The following NUDC variants were observed in gnomAD, a reference collection of about 807,000 sequenced individuals.
NUDC encodes the protein nuclear migration protein nudC.
Under a neutral mutation model 45.0 loss-of-function variants are expected in NUDC, and 14 were observed. The observed-to-expected ratio is 0.31, with a 90% CI of 0.21 to 0.49. NUDC has a LOEUF of 0.49. Ranked by LOEUF, NUDC falls within the 20% of genes least tolerant of loss-of-function variation. NUDC has a pLI of 0.99. For missense variants in NUDC, 323 were observed against 426.2 expected, an observed-to-expected ratio of 0.76 and a Z score of 2.13; for synonymous variants, 153 against 156.7, an observed-to-expected ratio of 0.98 and a Z score of 0.17.
rs372581033 is a variant in NUDC, at chr1:26,913,526, G to A, written c.93+2291G>A. On this transcript the variant is annotated intron_variant, in intron 3 of 6. Coordinates refer to the NUDC transcript ENST00000435827. ...TGCACCGCAGCCAGGGAGGGCTGGG[G>A]TCTGTCTGGCAGTTGGCCACTGCCT... is the stretch of plus-strand genomic sequence containing the variant. 185 of 1,613,620 alleles carry A rather than the reference G, an allele frequency of 1.1e-4. No individual in the cohort carries two copies. The highest frequency in any genetic ancestry group is 3.3e-4 in the Middle Eastern group (2 of 6,056).
At chr1:26,942,491 C>T (rs540941031) in intron 4 of NUDC, among the ~76,000 whole-genome samples, 169 bp from the exon 5 acceptor site, 3 of 152,298 alleles carry the variant, frequency 2.0e-5, no homozygotes, top group Admixed American at 2.0e-4. Flanking sequence ...TTACCTGGTT[C>T]CCAGTGGACC....
chr1:26,922,863 A>G (rs1355188230), intron 1 of NUDC, among the ~76,000 whole-genome samples: 1 of 152,154 alleles, frequency 6.6e-6, no homozygotes, highest in African/African-American at 2.4e-5. Context: ...AGTGTTTCTC[A>G]TTTGCAAGTG....
At position 26,941,452 on chromosome 1, in the gene NUDC, T is replaced by C. The variant is rs2082275371; in HGVS notation, c.160-5T>C. On this transcript the variant is annotated splice_region_variant and splice_polypyrimidine_tract_variant and intron_variant, in intron 2 of 8. Coordinates refer to ENST00000321265, the MANE Select transcript of NUDC (RefSeq NM_006600.4). ...GATGCCTCATGGCCTTTCTTCCCTC[T>C]CCAGCTTATCACACAGACTTTCAGC... 6.2e-7 allele frequency: 1 copy of C among 1,613,200 alleles called. No homozygotes were observed. The highest frequency in any genetic ancestry group is 1.3e-5 in the African/African-American group (1 of 74,880).
Position 26,946,415 on chromosome 1 carries a change from G to A in NUDC, c.*234G>A, listed in dbSNP as rs2082318241. The A allele has an allele frequency of 2.0e-5, 11 of 555,112 alleles. No individual in the cohort carries two copies. The Admixed American group carries it at 3.3e-4, about 17-fold the overall frequency. The allele number at this position is 555,112 out of a possible 1,614,324, so 34.4% of individuals were successfully genotyped here. On this transcript the variant is annotated 3_prime_UTR_variant, in exon 9 of 9. Transcript: ENST00000321265. ...CCCAGCTCCTTCTGTGTCCTCTCTT[G>A]CCTCTGGCCTTTCTCTGGGGCACAG...
At chr1:26,910,358 C>G (rs906661595) in intron 2 of NUDC, among the ~76,000 whole-genome samples, 1 of 152,002 alleles carries the variant, frequency 6.6e-6, no homozygotes, top group Non-Finnish European at 1.5e-5. Context: ...GAGATCTCAG[C>G]TGTGTTTTTG....
intron 2 of NUDC, among the ~76,000 whole-genome samples, chr1:26,931,382 T>A (rs1390742166): frequency 7.0e-6 from 1 of 143,824 alleles, no homozygotes; most frequent in Admixed American, 6.9e-5. Flanking sequence ...CTGGCCTTTT[T>A]TTTTTTTTTT....
At chr1:26,902,378 T>A (rs185455126) in intron 2 of NUDC, 1 of 152,288 alleles carries the variant, frequency 6.6e-6, no homozygotes, top group Non-Finnish European at 1.5e-5. Context: ...TAAAGCATTA[T>A]CTGATCTACT....
intron 2 of NUDC, among the ~76,000 whole-genome samples, chr1:26,929,886 T>C (rs1164300825): frequency 4.0e-5 from 6 of 151,892 alleles, no homozygotes; most frequent in Non-Finnish European, 8.8e-5. Flanking sequence ...TAGCTGGGCA[T>C]GGTGGTAGGC....
rs552429840 is a variant in NUDC, at chr1:26,944,034, T to A, written c.741+969T>A. On this transcript the variant is annotated intron_variant, in intron 6 of 8. Transcript: ENST00000321265. ...CTGGGACTACAGGCGCCCGCCACCA[T>A]GCCTGTATTTTTTTTTTTGTCTGTT... Among the ~76,000 whole-genome samples, 3 of 151,844 alleles carry A rather than the reference T, an allele frequency of 2.0e-5. No individual in the cohort carries two copies. The South Asian group carries it at 6.2e-4, about 32-fold the overall frequency.
chr1:26,900,489 C>T (rs961594184), intron 1 of NUDC: 8 of 1,496,932 alleles, frequency 5.3e-6, no homozygotes, highest in Middle Eastern at 4.7e-4. Flanking sequence ...GCGAGAACAC[C>T]GCGAGCAACG....
chr1:26,941,721 CCTGTTGCCAA>C, intron 3 of NUDC, 22 bp from the exon 4 acceptor site: 1 of 1,613,560 alleles, frequency 6.2e-7, no homozygotes, highest in Non-Finnish European at 8.5e-7. Flanking sequence ...GCAGTGGGGT[CCTGTTGCCAA>C]CTGCTGTGCT....
chr1:26,901,951 C>A (rs2081981074), intron 1 of NUDC, among the ~76,000 whole-genome samples: 1 of 152,072 alleles, frequency 6.6e-6, no homozygotes, highest in East Asian at 1.9e-4. Flanking sequence ...GTTGGCAAGA[C>A]CCTTGTCTAA....
chr1:26,911,473 CA>C, intron 3 of NUDC: 2 of 344,530 alleles, frequency 5.8e-6, no homozygotes, highest in South Asian at 4.6e-5. Context: ...GCACAAATGA[CA>C]GTATCAGGCT....
At chr1:26,942,111 G>A (rs2082282520) in intron 4 of NUDC, among the ~76,000 whole-genome samples, 1 of 152,066 alleles carries the variant, frequency 6.6e-6, no homozygotes, top group South Asian at 2.1e-4. Context: ...GGCCAAGATG[G>A]TGAAACCCCA....
At chr1:26,901,958 C>T (rs762988717) in intron 1 of NUDC, among the ~76,000 whole-genome samples, 2 of 152,064 alleles carry the variant, frequency 1.3e-5, no homozygotes, top group African/African-American at 2.4e-5. Context: ...AGACCCTTGT[C>T]TAAACAATAA....
chr1:26,913,984 C>T, intron 3 of NUDC: 1 of 1,403,064 alleles, frequency 7.1e-7, no homozygotes. Context: ...GCTCTGTGTT[C>T]TGCGCTGTGG....
intron 3 of NUDC, among the ~76,000 whole-genome samples, chr1:26,916,644 A>T (rs1437088900): frequency 6.6e-6 from 1 of 152,144 alleles, no homozygotes; most frequent in African/African-American, 2.4e-5. Context: ...AGCATGAAGT[A>T]GGCACTAGAA....
chr1:26,928,274 G>A (rs2082150662), intron 2 of NUDC, among the ~76,000 whole-genome samples: 1 of 152,024 alleles, frequency 6.6e-6, no homozygotes, highest in Admixed American at 6.6e-5. Context: ...AACAAAATTT[G>A]CCATCTGTCA....
chr1:26,910,560 C>CTTA (rs1369553518), intron 2 of NUDC, among the ~76,000 whole-genome samples: 1 of 152,172 alleles, frequency 6.6e-6, no homozygotes, highest in Non-Finnish European at 1.5e-5. Context: ...ATTGAGCAAT[C>CTTA]ATTAACTTGG....
Sources: allele counts gnomAD v4.1 joint callset (sites outside exome capture counted in the v4.1 genomes callset), GRCh38; gene constraint gnomAD v4.1.1; transcripts MANE v1.5; gene names NCBI Gene and HGNC (gene_info 2026-07-23, HGNC 2026-07-21).